CNTNAP2: variants seen among roughly 807,000 people sequenced by gnomAD.
CNTNAP2 encodes contactin-associated protein-like 2.
In CNTNAP2, 98 loss-of-function variants were observed where a neutral mutation model predicts 155.2. The observed-to-expected ratio is 0.63, with a 90% confidence interval of 0.54 to 0.75. The LOEUF (loss-of-function observed/expected upper bound fraction) is 0.75, where lower values mean the gene tolerates loss of function less well. Ranked by LOEUF, CNTNAP2 falls within the 30% of genes least tolerant of loss-of-function variation. The pLI is 0.00. For synonymous variants in CNTNAP2, 651 were observed against 631.2 expected (o/e 1.03, Z -0.47); for missense variants, 1,727 against 1,688.1 (o/e 1.02, Z -0.40).
At chr7:147,221,106 C>G (rs1311628118) in intron 8 of CNTNAP2, among the ~76,000 whole-genome samples, 1 of 151,376 alleles carries the variant, frequency 6.6e-6, no homozygotes, top group Non-Finnish European at 1.5e-5. Flanking sequence ...TAACAATATA[C>G]CACTTCATGG....
intron 14 of CNTNAP2, among the ~76,000 whole-genome samples, chr7:147,925,191 G>A (rs1202617757): frequency 6.6e-6 from 1 of 150,484 alleles, no homozygotes. Context: ...AGGAAGGAAG[G>A]AAGGAAGGAA....
At chr7:147,144,164 A>G (rs1005779264) in intron 8 of CNTNAP2, among the ~76,000 whole-genome samples, 14 of 152,172 alleles carry the variant, frequency 9.2e-5, no homozygotes, top group Non-Finnish European at 1.9e-4. Context: ...GTGAAATGGC[A>G]TCTATTGATG....
chr7:147,064,125 G>T (rs951673842), intron 4 of CNTNAP2, among the ~76,000 whole-genome samples: 2 of 152,036 alleles, frequency 1.3e-5, no homozygotes, highest in Non-Finnish European at 2.9e-5. Context: ...TTTTGAAATG[G>T]CATGTTAAAG....
intron 2 of CNTNAP2, among the ~76,000 whole-genome samples, chr7:146,832,211 A>G (rs995136638): frequency 3.9e-5 from 6 of 152,202 alleles, no homozygotes; most frequent in Non-Finnish European, 5.9e-5. Flanking sequence ...TTTTGTATCA[A>G]TTAGATAATT....
chr7:148,023,050 A>G (rs2116920985), intron 15 of CNTNAP2, among the ~76,000 whole-genome samples: 1 of 152,230 alleles, frequency 6.6e-6, no homozygotes, highest in East Asian at 1.9e-4. Context: ...TGCCATCATC[A>G]TTATCACACA....
At chr7:147,284,600 A>T (rs1805135109) in intron 8 of CNTNAP2, among the ~76,000 whole-genome samples, 1 of 151,930 alleles carries the variant, frequency 6.6e-6, no homozygotes, top group Non-Finnish European at 1.5e-5. Context: ...CATTAATCAA[A>T]TGCCTATCAC....
intron 13 of CNTNAP2, among the ~76,000 whole-genome samples, chr7:147,655,433 A>G (rs1443113347): frequency 6.6e-6 from 1 of 152,186 alleles, no homozygotes; most frequent in Admixed American, 6.5e-5. Context: ...TATTTTTTAA[A>G]TAATATAACT....
At chr7:146,894,876 T>C (rs1445060061) in intron 3 of CNTNAP2, among the ~76,000 whole-genome samples, 2 of 152,278 alleles carry the variant, frequency 1.3e-5, no homozygotes, top group African/African-American at 4.8e-5. Flanking sequence ...ATTGAGTGGT[T>C]GAGAATTCTG....
chr7:146,689,853 T>A (rs1004614661), intron 1 of CNTNAP2, among the ~76,000 whole-genome samples: 3 of 152,062 alleles, frequency 2.0e-5, no homozygotes, highest in African/African-American at 2.4e-5. Context: ...TTTTCTTTCT[T>A]TTGTAAAAGA....
At chr7:146,463,045 G>A (rs1258960202) in intron 1 of CNTNAP2, among the ~76,000 whole-genome samples, 9 of 152,018 alleles carry the variant, frequency 5.9e-5, no homozygotes. Context: ...ATGGGAGCAA[G>A]GGAAGGGCAG....
At chr7:146,660,379 A>T (rs1021507282) in intron 1 of CNTNAP2, among the ~76,000 whole-genome samples, 2 of 152,244 alleles carry the variant, frequency 1.3e-5, no homozygotes, top group Admixed American at 1.3e-4. Flanking sequence ...GCAAAGTCAG[A>T]AAGACCTGAG....
intron 4 of CNTNAP2, among the ~76,000 whole-genome samples, chr7:147,084,299 AT>A: frequency 2.8e-5 from 1 of 36,236 alleles, no homozygotes; most frequent in Admixed American, 4.3e-4. Context: ...AATGCTATAT[AT>A]GTATATATAA....
At chr7:146,454,612 A>G (rs1220934240) in intron 1 of CNTNAP2, among the ~76,000 whole-genome samples, 2 of 151,792 alleles carry the variant, frequency 1.3e-5, no homozygotes, top group African/African-American at 2.4e-5. Flanking sequence ...TAGTATATAC[A>G]TAATAGTATA....
rs1348288235 is a variant in CNTNAP2 at position 147,015,950 on chromosome 7, T to C, written c.403-27957T>C. On this transcript the variant is annotated intron_variant, in intron 3 of 23. Transcript: ENST00000361727. ...ACAGGCAAAATAACTGTCACTTCTG[T>C]CAAGTAGCAATAGATACTATTATGA... Among the ~76,000 whole-genome samples, 3 of 152,120 alleles carry C rather than the reference T, an allele frequency of 2.0e-5. No homozygotes were observed. In the East Asian group the frequency reaches 5.8e-4, roughly 29 times the overall value.
intron 2 of CNTNAP2, among the ~76,000 whole-genome samples, chr7:146,820,877 G>T (rs535634087): frequency 6.8e-4 from 103 of 152,244 alleles, no homozygotes; most frequent in Non-Finnish European, 1.3e-3. Context: ...ATTTAGAATA[G>T]TTAGCTCTTC....
intron 8 of CNTNAP2, among the ~76,000 whole-genome samples, chr7:147,155,524 T>C (rs780954615): frequency 6.6e-5 from 10 of 152,062 alleles, no homozygotes; most frequent in East Asian, 1.9e-4. Context: ...ATAGCTGATA[T>C]GAATGTTGGC....
chr7:146,655,592 A>G (rs1178608228), intron 1 of CNTNAP2, among the ~76,000 whole-genome samples: 1 of 152,092 alleles, frequency 6.6e-6, no homozygotes, highest in East Asian at 1.9e-4. Flanking sequence ...AAAAATGCCA[A>G]TTATCATCCA....
intron 3 of CNTNAP2, among the ~76,000 whole-genome samples, chr7:147,030,071 T>C (rs1271112967): frequency 6.6e-6 from 1 of 152,226 alleles, no homozygotes; most frequent in Non-Finnish European, 1.5e-5. Context: ...TCTGTTCTTC[T>C]AGATACTGTA....
At chr7:146,335,460 A>C (rs2129095574) in intron 1 of CNTNAP2, among the ~76,000 whole-genome samples, 1 of 152,254 alleles carries the variant, frequency 6.6e-6, no homozygotes, top group Non-Finnish European at 1.5e-5. Context: ...TTCTCTTAAG[A>C]AGGAGCCCTC....
Sources: allele counts gnomAD v4.1 joint callset (sites outside exome capture counted in the v4.1 genomes callset), GRCh38; gene constraint gnomAD v4.1.1; transcripts MANE v1.5; gene names NCBI Gene and HGNC (gene_info 2026-07-23, HGNC 2026-07-21).